Variants in CD276 observed in about 807,000 individuals in gnomAD.
CD276 encodes CD276 molecule.
In CD276, 34 loss-of-function variants were observed where a neutral mutation model predicts 50.0. The observed-to-expected ratio is 0.68, with a 90% CI of 0.52 to 0.91. The LOEUF (loss-of-function observed/expected upper bound fraction) is 0.91. Ranked by LOEUF, CD276 falls within the 40% of genes least tolerant of loss-of-function variation. The probability of loss-of-function intolerance (pLI) is 0.00; values close to 1 mark genes in which losing one functional copy is unlikely to be tolerated. For missense variants in CD276, 634 were observed against 717.5 expected, an observed-to-expected ratio of 0.88 and a Z score of 1.33; for synonymous variants, 275 against 313.0, an observed-to-expected ratio of 0.88 and a Z score of 1.28.
At position 73,714,087 on chromosome 15, in the gene CD276, T is replaced by C; in HGVS notation, c.*1131T>C. The C allele has an allele frequency of 3.5e-6, 1 of 288,098 alleles. No individual in the cohort carries two copies. The highest frequency in any genetic ancestry group is 6.6e-6 in the Non-Finnish European group (1 of 152,650). The allele number at this position is 288,098 out of a possible 1,614,324, so 17.8% of individuals were successfully genotyped here. On this transcript the variant is annotated 3_prime_UTR_variant, in exon 10 of 10. Coordinates refer to ENST00000318443, the MANE Select transcript of CD276 (RefSeq NM_001024736.2). The stretch of plus-strand genomic sequence containing the variant: ...CATAATTCTTACCCAGAGCATGGGG[T>C]TGGGGCGGAAACCTGGAGAGAGGGA...
intron 2 of CD276, among the ~76,000 whole-genome samples, chr15:73,700,172 C>T (rs964461668): frequency 5.9e-5 from 9 of 152,124 alleles, no homozygotes; most frequent in African/African-American, 2.2e-4. Context: ...TAGATTCGCC[C>T]CCACCTGGCG....
rs1567023189 is a variant in CD276, at chr15:73,708,486, GTA to G, written c.1504+15_1504+16del. 2.5e-6 allele frequency: 4 copies of G among 1,610,780 alleles called. No individual in the cohort carries two copies. In the East Asian group the frequency reaches 8.9e-5, roughly 36 times the overall value. ...GAGGAGAATGCAGGTGAGTGTGTGT[GTA>G]TGTGTGTGCGTGCGCATGCACACTT... On this transcript the variant is annotated intron_variant, in intron 7 of 9. Coordinates refer to ENST00000318443, the MANE Select transcript of CD276 (RefSeq NM_001024736.2).
At position 73,703,781 on chromosome 15, in the gene CD276, C is replaced by T. The variant is rs1249631174; in HGVS notation, c.856C>T (p.Gln286Ter). ...CCTGGCACAGCTCAACCTCATCTGGCAGCTGACAGACACCAAACAGCTGGT... is the reference window on the plus strand; with the variant it reads ...CCTGGCACAGCTCAACCTCATCTGGTAGCTGACAGACACCAAACAGCTGGT... Reference protein sequence around the residue: ...FSLAQLNLIWQLTDTKQLVHS... With the variant: ...FSLAQLNLIW The change falls in exon 5 of 10, where the codon CAG (glutamine) becomes TAG (stop). Residue 286 changes from glutamine (Q) to a stop codon, truncating the protein, a stop_gained. Coordinates refer to ENST00000318443, the MANE Select transcript of CD276 (RefSeq NM_001024736.2). LOFTEE classifies it high-confidence loss of function. The T allele has an allele frequency of 1.2e-6, 2 of 1,613,718 alleles. No individual in the cohort carries two copies. Among genetic ancestry groups the T allele is most frequent in the Non-Finnish European group, 1.7e-6 (2 of 1,180,042 alleles).
intron 1 of CD276, among the ~76,000 whole-genome samples, chr15:73,698,805 G>A (rs1361653894): frequency 2.6e-5 from 4 of 152,112 alleles, no homozygotes; most frequent in South Asian, 4.2e-4. Context: ...CAAGTGATTC[G>A]CCTGCCTCAG....
rs558691012 is a variant in CD276, at chr15:73,704,424, C to A, written c.1321C>A (p.Arg441Ser). 2.5e-6 allele frequency: 4 copies of A among 1,613,944 alleles called. No individual in the cohort carries two copies. The South Asian group carries it at 4.4e-5, about 18-fold the overall frequency. ...GAATGGCACCTACAGCTGCCTGGTG[C>A]GCAACCCCGTGCTGCAGCAGGATGC... is the stretch of plus-strand genomic sequence containing the variant. Reference protein sequence around the residue: ...GANGTYSCLVRNPVLQQDAHG... With the variant: ...GANGTYSCLVSNPVLQQDAHG... The change falls in exon 6 of 10, where the codon CGC becomes AGC. Residue 441 changes from arginine to serine, a missense_variant. By Grantham distance (110) the Arg-to-Ser change is moderately radical. Transcript: ENST00000318443. This position sits in a 1 kb window ranked among gnomAD's most constrained non-coding sequence, Gnocchi z 4.1.
rs745971475 is a variant in CD276, at chr15:73,702,968, C to T, written c.615C>T (p.His205=). 2 of 1,614,196 alleles carry T rather than the reference C, an allele frequency of 1.2e-6. No individual in the cohort carries two copies. The stretch of plus-strand genomic sequence containing the variant: ...ACGAGCAGGGCTTGTTTGATGTGCA[C>T]AGCATCCTGCGGGTGGTGCTGGGTG... The part of the protein sequence containing the change: ...MANEQGLFDV[H]SILRVVLGAN... Residue 205 remains histidine (H), a synonymous_variant, in exon 4 of 10, where the codon CAC becomes CAT. Coordinates refer to ENST00000318443, the MANE Select transcript of CD276 (RefSeq NM_001024736.2).
intron 7 of CD276, 108 bp downstream of exon 7, chr15:73,708,581 GTGTGTGTGCAGATGGGGCTGGATTTGTC>G: frequency 7.5e-7 from 1 of 1,339,224 alleles, no homozygotes; most frequent in Non-Finnish European, 1.0e-6. Context: ...CAGAACGAGT[GTGTGTGTGCAGATGGGGCTGGATTTGTC>G]TGTGTGTGAC....
chr15:73,709,731 G>A, intron 8 of CD276, 42 bp downstream of exon 8: 1 of 1,591,664 alleles, frequency 6.3e-7, no homozygotes, highest in Non-Finnish European at 8.6e-7. Flanking sequence ...CTGGGAGAGG[G>A]ACATATGGGA....
chr15:73,708,571 C>A, intron 7 of CD276, 98 bp downstream of exon 7: 2 of 1,399,378 alleles, frequency 1.4e-6, no homozygotes, highest in Non-Finnish European at 1.9e-6. Flanking sequence ...TTTCTAGTGA[C>A]AGAACGAGTG....
rs761848618 is a variant in CD276, at chr15:73,704,013, G to A, written c.1072+16G>A. ...CAGGTGGCCGGTGAGCACCAGGAGG[G>A]CGACGCCTTCCCCTTGGTTCACCCT... On this transcript the variant is annotated intron_variant, in intron 5 of 9. Transcript: ENST00000318443. This position sits in a 1 kb window ranked among gnomAD's most constrained non-coding sequence, Gnocchi z 4.1. 3.7e-6 allele frequency: 6 copies of A among 1,601,648 alleles called. No homozygotes were observed. In the East Asian group the frequency reaches 6.7e-5, roughly 18 times the overall value.
In CD276 at chr15:73,708,491, T is replaced by A. The variant is rs370168964; in HGVS notation, c.1504+18T>A. On this transcript the variant is annotated intron_variant, in intron 7 of 9. Coordinates refer to ENST00000318443, the MANE Select transcript of CD276 (RefSeq NM_001024736.2). ...GAATGCAGGTGAGTGTGTGTGTATG[T>A]GTGTGCGTGCGCATGCACACTTATG... 337 of 1,609,930 alleles carry A rather than the reference T, an allele frequency of 2.1e-4. No homozygotes were observed. The highest frequency in any genetic ancestry group is 2.8e-4 in the Non-Finnish European group (330 of 1,178,076).
At chr15:73,694,048 TC>T (rs1900079812) in intron 1 of CD276, among the ~76,000 whole-genome samples, 1 of 152,164 alleles carries the variant, frequency 6.6e-6, no homozygotes, top group Non-Finnish European at 1.5e-5. Context: ...GACTGCCATG[TC>T]CCTCTGTTCT....
intron 2 of CD276, among the ~76,000 whole-genome samples, chr15:73,700,496 A>G (rs1900336540): frequency 6.6e-6 from 1 of 152,176 alleles, no homozygotes; most frequent in African/African-American, 2.4e-5. Flanking sequence ...CTCTAGAGCA[A>G]GAAAGGGTTT....
At chr15:73,708,682 C>T in intron 7 of CD276, 2 of 596,588 alleles carry the variant, frequency 3.4e-6, no homozygotes, top group South Asian at 2.0e-5. Flanking sequence ...GCAGATACCA[C>T]AGGATGAATG....
Position 73,687,292 on chromosome 15 carries a change from T to G in CD276, c.-55+2832T>G, listed in dbSNP as rs2141530983. Among the ~76,000 whole-genome samples, 1 of 152,144 alleles carries G rather than the reference T, an allele frequency of 6.6e-6. No homozygotes were observed. The highest frequency in any genetic ancestry group is 2.1e-4 in the South Asian group (1 of 4,816). ...TAATCCTCATAGTAATCCTATGAGG[T>G]AGGGTATCATTAACACCATTGTACA... On this transcript the variant is annotated intron_variant, in intron 1 of 9. Coordinates refer to ENST00000318443, the MANE Select transcript of CD276 (RefSeq NM_001024736.2). The surrounding 1 kb of genome is among the most constrained non-coding windows in gnomAD (Gnocchi z 4.0).
chr15:73,692,166 G>A (rs963242927), intron 1 of CD276, among the ~76,000 whole-genome samples: 1 of 151,964 alleles, frequency 6.6e-6, no homozygotes, highest in Non-Finnish European at 1.5e-5. Context: ...TGTCCCCTCC[G>A]CCAGATAGCC....
Position 73,712,932 on chromosome 15 carries a change from A to C in CD276, c.1583-2A>C. The C allele has an allele frequency of 6.2e-7, 1 of 1,613,648 alleles. No individual in the cohort carries two copies. The highest frequency in any genetic ancestry group is 8.5e-7 in the Non-Finnish European group (1 of 1,179,638). On this transcript the variant is annotated splice_acceptor_variant, in intron 9 of 9. Transcript: ENST00000318443. LOFTEE classifies it high-confidence loss of function. Reference sequence around the variant, plus strand: ...TTTTTTTCTTCCCATCATGAAATGAAGATGATGGACAAGAAATAGCCTGAC... The same window carrying C: ...TTTTTTTCTTCCCATCATGAAATGACGATGATGGACAAGAAATAGCCTGAC...
At chr15:73,703,601 G>A (rs571610905) in intron 4 of CD276, 58 bp from the exon 5 acceptor site, 5 of 1,349,368 alleles carry the variant, frequency 3.7e-6, no homozygotes, top group East Asian at 2.4e-5. Context: ...GGACTCGGGT[G>A]GTAGCCTAGA....
At position 73,688,250 on chromosome 15, in the gene CD276, G is replaced by A. The variant is rs200517466; in HGVS notation, c.-55+3790G>A. 6.6e-5 allele frequency among the ~76,000 whole-genome samples: 10 copies of A among 152,192 alleles called. No homozygotes were observed. In the East Asian group the frequency reaches 1.9e-3, roughly 29 times the overall value. On this transcript the variant is annotated intron_variant, in intron 1 of 9. Transcript: ENST00000318443. The stretch of plus-strand genomic sequence containing the variant: ...AGGGGCAAAGTGTTCGCTCAGTGCA[G>A]AGGCCCCATCTAGGAGGCCTTGTCC...
Sources: allele counts gnomAD v4.1 joint callset (sites outside exome capture counted in the v4.1 genomes callset), GRCh38; gene constraint gnomAD v4.1.1; non-coding constraint Gnocchi (gnomAD v3.1); transcripts MANE v1.5; gene names NCBI Gene and HGNC (gene_info 2026-07-23, HGNC 2026-07-21).